Variants in SLC6A6 observed in about 807,000 individuals in gnomAD.
SLC6A6 encodes the protein solute carrier family 6 member 6.
A neutral mutation model predicts 68.8 loss-of-function variants in SLC6A6; 16 were observed. That is an observed-to-expected ratio of 0.23 (90% CI 0.16 to 0.35). The LOEUF is 0.35. SLC6A6 is among the 10% of genes least tolerant of loss of function. The pLI, the probability that SLC6A6 is intolerant of heterozygous loss-of-function variation, is 1.00. For synonymous variants in SLC6A6, 312 were observed against 315.4 expected, an observed-to-expected ratio of 0.99 and a Z score of 0.12; for missense variants, 474 against 802.8, an observed-to-expected ratio of 0.59 and a Z score of 4.95.
rs1200454118 is a variant in SLC6A6 at position 14,457,956 on chromosome 3, C to G, written c.606C>G (p.Asn202Lys). Residue 202 changes from asparagine (N) to lysine (K), a missense_variant, in exon 6 of 15, where the codon AAC becomes AAG. This residue lies in a region of SLC6A6 where 280 missense variants were observed against 533.1 expected (regional missense o/e 0.53). Transcript: ENST00000622186. ...GCTCTGTGTTTGCTTCAAGGCGCAA[C>G]GTGCTGAGCTTGTCCCCTGGAATCG... The part of the protein sequence containing the change: ...TSPVIEFWER[N>K]VLSLSPGIDH... 2 of 1,614,128 alleles carry G rather than the reference C, an allele frequency of 1.2e-6. No individual in the cohort carries two copies. Among genetic ancestry groups the G allele is most frequent in the Non-Finnish European group, 8.5e-7 (1 of 1,179,996 alleles).
At chr3:14,445,953 A>G (rs1700111874) in intron 4 of SLC6A6, 102 bp downstream of exon 4, 1 of 1,169,758 alleles carries the variant, frequency 8.5e-7, no homozygotes, top group African/African-American at 1.5e-5. Context: ...CCTCATGCAC[A>G]TCACTTAGCT....
At chr3:14,475,067 T>C (rs1163270801) in intron 10 of SLC6A6, among the ~76,000 whole-genome samples, 1 of 152,258 alleles carries the variant, frequency 6.6e-6, no homozygotes, top group African/African-American at 2.4e-5. Flanking sequence ...AGCCTTGCTC[T>C]GTCGCCCAGG....
chr3:14,405,615 A>G (rs1374943158), intron 1 of SLC6A6, among the ~76,000 whole-genome samples: 2 of 152,170 alleles, frequency 1.3e-5, no homozygotes. Flanking sequence ...CATGAGCAAG[A>G]GTCAGATTCT....
In SLC6A6 at chr3:14,478,450, G is replaced by GT; in HGVS notation, c.1348-9dup. ...CCAGGTAGGAAATCGACCTTCTGTG[G>GT]TTTTTTTCTTCACAGGGTGGCATGT... is the stretch of plus-strand genomic sequence containing the variant. On this transcript the variant is annotated splice_polypyrimidine_tract_variant and intron_variant, in intron 11 of 14. Coordinates refer to ENST00000622186, the MANE Select transcript of SLC6A6 (RefSeq NM_003043.6). 4.5e-6 allele frequency: 7 copies of GT among 1,570,528 alleles called. No individual in the cohort carries two copies. The highest frequency in any genetic ancestry group is 2.2e-5 in the East Asian group (1 of 44,648).
At chr3:14,464,762 T>A (rs1288988179) in intron 6 of SLC6A6, among the ~76,000 whole-genome samples, 1 of 152,300 alleles carries the variant, frequency 6.6e-6, no homozygotes, top group East Asian at 1.9e-4. Context: ...TCCTGTTCTC[T>A]TCATCTCAGT....
intron 1 of SLC6A6, among the ~76,000 whole-genome samples, chr3:14,409,558 G>A (rs1030868481): frequency 6.6e-6 from 1 of 152,238 alleles, no homozygotes; most frequent in Non-Finnish European, 1.5e-5. Context: ...CTGACCGCAC[G>A]GCAAACGTTC....
intron 5 of SLC6A6, among the ~76,000 whole-genome samples, chr3:14,452,419 C>T (rs1021948033): frequency 6.6e-6 from 1 of 152,200 alleles, no homozygotes; most frequent in Non-Finnish European, 1.5e-5. Flanking sequence ...AGTGCCCTGC[C>T]CGAGGTCACG....
chr3:14,478,978 G>A, intron 12 of SLC6A6, 107 bp from the exon 13 acceptor site: 2 of 715,640 alleles, frequency 2.8e-6, no homozygotes, highest in East Asian at 2.5e-5. Context: ...TCCATGGTGT[G>A]GAGATGCAGA....
Position 14,449,779 on chromosome 3 carries a change from G to A in SLC6A6, c.599+1963G>A, listed in dbSNP as rs61546007. On this transcript the variant is annotated intron_variant, in intron 5 of 14. Coordinates refer to ENST00000622186, the MANE Select transcript of SLC6A6 (RefSeq NM_003043.6). ...ACTGTTATTTTGTTTTTGAGACAGAGTCTCACTCTGTTGCCAGGCTGGAGT... is the reference window on the plus strand; with the variant it reads ...ACTGTTATTTTGTTTTTGAGACAGAATCTCACTCTGTTGCCAGGCTGGAGT... Among the ~76,000 whole-genome samples the A allele has an allele frequency of 8.3e-3, 1,268 of 152,196 alleles. 19 individuals are homozygous for A. Among genetic ancestry groups the A allele is most frequent in the African/African-American group, 0.029 (1,201 of 41,510 alleles).
At chr3:14,416,033 G>C (rs559700600) in intron 1 of SLC6A6, among the ~76,000 whole-genome samples, 2 of 152,296 alleles carry the variant, frequency 1.3e-5, no homozygotes, top group African/African-American at 4.8e-5. Flanking sequence ...GATGGTTCTT[G>C]CTGCTGACTA....
At chr3:14,428,175 C>T (rs544654034) in intron 2 of SLC6A6, among the ~76,000 whole-genome samples, 59 of 152,314 alleles carry the variant, frequency 3.9e-4, no homozygotes, top group African/African-American at 1.4e-3. Context: ...AGGCTGGCCC[C>T]TGAGAGGCCT....
At chr3:14,447,509 C>G (rs1162712983) in intron 4 of SLC6A6, 73 bp from the exon 5 acceptor site, 10 of 1,582,086 alleles carry the variant, frequency 6.3e-6, no homozygotes, top group Non-Finnish European at 8.6e-6. Flanking sequence ...CCATGGCCTT[C>G]CAGTTGAGTA....
Position 14,447,632 on chromosome 3 carries a change from A to G in SLC6A6, c.415A>G (p.Ile139Val), listed in dbSNP as rs760581480. ...VIVSLLNVYY[I>V]VILAWATYYL... ...TGTGTCCCTCCTGAATGTCTACTAC[A>G]TCGTCATCCTGGCCTGGGCCACATA... Residue 139 changes from isoleucine to valine, a missense_variant, in exon 5 of 15, where the codon ATC (isoleucine) becomes GTC (valine). Ile to Val is a conservative substitution (Grantham distance 29). Transcript: ENST00000622186. The G allele has an allele frequency of 4.3e-6, 7 of 1,614,104 alleles. No homozygotes were observed. The highest frequency in any genetic ancestry group is 3.3e-4 in the Middle Eastern group (2 of 6,084).
rs1375781532 is a variant in SLC6A6, at chr3:14,466,519, G to T, written c.736G>T (p.Val246Phe). 6.2e-6 allele frequency: 10 copies of T among 1,610,776 alleles called. No individual in the cohort carries two copies. The highest frequency in any genetic ancestry group is 8.5e-6 in the Non-Finnish European group (10 of 1,178,054). ...TGAATCCCTCTCGCCCTTGCAGGTC[G>T]TCTACTTCACAGCCACTTTTCCATT... ...WKGVRSTGKVVYFTATFPFAM... is the reference protein window; with the variant it reads ...WKGVRSTGKVFYFTATFPFAM... The change falls in exon 7 of 15, where the codon GTC (valine) becomes TTC (phenylalanine). Residue 246 changes from valine (V) to phenylalanine (F), a missense_variant. By Grantham distance (50) the Val-to-Phe change is conservative (BLOSUM62 -1). Around this residue, in one of 2 missense-constraint regions of SLC6A6, gnomAD observed 280 missense variants for 533.1 expected, o/e 0.53. Transcript: ENST00000622186.
At chr3:14,405,414 T>TG (rs1699085373) in intron 1 of SLC6A6, among the ~76,000 whole-genome samples, 1 of 152,368 alleles carries the variant, frequency 6.6e-6, no homozygotes, top group East Asian at 1.9e-4. Flanking sequence ...CCAAAAGTCC[T>TG]GAATGATAAG....
rs1455966554 is a variant in SLC6A6, at chr3:14,450,144, C to T, written c.599+2328C>T. On this transcript the variant is annotated intron_variant, in intron 5 of 14. Transcript: ENST00000622186. This position sits in a 1 kb window ranked among gnomAD's most constrained non-coding sequence, Gnocchi z 4.1. Reference sequence around the variant, plus strand: ...TGTTATGAACTTAAAGAATCACCCCCTATTGTAAAGGGGTCATCCTCTTCT... The same window carrying T: ...TGTTATGAACTTAAAGAATCACCCCTTATTGTAAAGGGGTCATCCTCTTCT... Among the ~76,000 whole-genome samples, 1 of 152,062 alleles carries T rather than the reference C, an allele frequency of 6.6e-6. No homozygotes were observed. The highest frequency in any genetic ancestry group is 2.4e-5 in the African/African-American group (1 of 41,400).
rs1328903513 is a variant in SLC6A6 at position 14,477,288 on chromosome 3, C to T, written c.1293C>T (p.Phe431=). Residue 431 remains phenylalanine, a synonymous_variant, in exon 11 of 15, where the codon TTC becomes TTT. Coordinates refer to ENST00000622186, the MANE Select transcript of SLC6A6 (RefSeq NM_003043.6). This position sits in a 1 kb window ranked among gnomAD's most constrained non-coding sequence, Gnocchi z 4.2. ...FLRKGYRREI[F]IAFVCSISYL... ...GGAAGGGTTATCGTCGGGAAATCTT[C>T]ATCGCCTTCGTGTGTAGCATCAGCT... is the stretch of plus-strand genomic sequence containing the variant. 1 of 1,614,050 alleles carries T rather than the reference C, an allele frequency of 6.2e-7. No homozygotes were observed. Among genetic ancestry groups the T allele is most frequent in the Admixed American group, 1.7e-5 (1 of 60,032 alleles).
chr3:14,441,464 C>T (rs928905394), intron 2 of SLC6A6, among the ~76,000 whole-genome samples: 2 of 152,232 alleles, frequency 1.3e-5, no homozygotes, highest in South Asian at 4.1e-4. Context: ...AGAAAGGCGG[C>T]GCGGATGCTC....
chr3:14,471,769 A>G (rs1364048096), intron 9 of SLC6A6, among the ~76,000 whole-genome samples: 4 of 152,180 alleles, frequency 2.6e-5, no homozygotes, highest in Admixed American at 2.0e-4. Context: ...TAACTCAAAA[A>G]TAGAAACTTT....
Sources: gnomAD v4.1 joint callset for allele counts (sites outside exome capture counted in the v4.1 genomes callset) on GRCh38, gnomAD v4.1.1 for gene constraint, gnomAD v4.1.1 regional missense constraint, Gnocchi (gnomAD v3.1) non-coding constraint, MANE v1.5 for transcripts, NCBI Gene and HGNC (gene_info 2026-07-23, HGNC 2026-07-21) for gene names.